RIMS1: variants seen among roughly 807,000 people sequenced by gnomAD.
RIMS1 encodes regulating synaptic membrane exocytosis protein 1.
Under a neutral mutation model 214.1 loss-of-function variants are expected in RIMS1, and 83 were observed. The ratio of observed to expected loss-of-function variants is 0.39; its 90% confidence interval spans 0.32 to 0.47. The LOEUF is 0.47. RIMS1 is among the 20% of genes least tolerant of loss of function. The pLI, the probability that RIMS1 is intolerant of heterozygous loss-of-function variation, is 0.99. For synonymous variants in RIMS1, 793 were observed against 786.8 expected, an observed-to-expected ratio of 1.01 and a Z score of -0.13; for missense variants, 2,050 against 2,161.8, an observed-to-expected ratio of 0.95 and a Z score of 1.03.
At chr6:72,369,788 T>C (rs1437340475) in intron 29 of RIMS1, among the ~76,000 whole-genome samples, 1 of 152,214 alleles carries the variant, frequency 6.6e-6, no homozygotes, top group African/African-American at 2.4e-5. Context: ...CCCCAAAGTA[T>C]TGTAAACACT....
chr6:72,368,551 C>T (rs767026318), intron 29 of RIMS1, among the ~76,000 whole-genome samples: 2 of 151,738 alleles, frequency 1.3e-5, no homozygotes, highest in Non-Finnish European at 2.9e-5. Flanking sequence ...GCCTCGGCCT[C>T]CACTTTGGGC....
chr6:72,143,653 T>A (rs2042351157), intron 4 of RIMS1, among the ~76,000 whole-genome samples: 1 of 152,210 alleles, frequency 6.6e-6, no homozygotes, highest in Non-Finnish European at 1.5e-5. Context: ...CAGCCTTCTA[T>A]CACGCTGTGT....
chr6:72,266,058 T>C lies in RIMS1; in HGVS notation c.3398+9T>C, dbSNP rs1331394430. On this transcript the variant is annotated intron_variant, in intron 22 of 33. Coordinates refer to ENST00000521978, the MANE Select transcript of RIMS1 (RefSeq NM_014989.7). ...TCACCAGAACGAGAAAGGTATAAAATAAAGACTTTCTTAATTTCTTATCAT... is the reference window on the plus strand; with the variant it reads ...TCACCAGAACGAGAAAGGTATAAAACAAAGACTTTCTTAATTTCTTATCAT... 2 of 1,549,136 alleles carry C rather than the reference T, an allele frequency of 1.3e-6. No homozygotes were observed. Among genetic ancestry groups the C allele is most frequent in the Non-Finnish European group, 8.8e-7 (1 of 1,140,386 alleles).
chr6:72,181,210 A>G (rs1388018901), intron 5 of RIMS1, among the ~76,000 whole-genome samples: 2 of 152,202 alleles, frequency 1.3e-5, no homozygotes, highest in African/African-American at 2.4e-5. Flanking sequence ...GAGCCCTAGG[A>G]AAGAGGAAGT....
chr6:72,202,215 T>C (rs906688808), intron 6 of RIMS1, among the ~76,000 whole-genome samples: 6 of 152,190 alleles, frequency 3.9e-5, no homozygotes, highest in African/African-American at 1.2e-4. Flanking sequence ...TTCCAAGGGT[T>C]ACCATAACAG....
chr6:72,099,753 C>A (rs2033062504), intron 3 of RIMS1, among the ~76,000 whole-genome samples: 1 of 152,070 alleles, frequency 6.6e-6, no homozygotes, highest in African/African-American at 2.4e-5. Context: ...TTGTATCTAA[C>A]ATATAGCAGG....
At chr6:72,086,985 G>A (rs767950785) in intron 2 of RIMS1, among the ~76,000 whole-genome samples, 1 of 152,152 alleles carries the variant, frequency 6.6e-6, no homozygotes, top group Non-Finnish European at 1.5e-5. Context: ...GATTTGTGCT[G>A]TGCATTAAAT....
intron 2 of RIMS1, among the ~76,000 whole-genome samples, chr6:72,025,569 G>A (rs1816173134): frequency 6.6e-6 from 1 of 152,142 alleles, no homozygotes; most frequent in Non-Finnish European, 1.5e-5. Flanking sequence ...TGCACACATA[G>A]TGCACACAGT....
intron 1 of RIMS1, among the ~76,000 whole-genome samples, chr6:71,888,976 C>G (rs959005372): frequency 1.3e-5 from 2 of 152,222 alleles, no homozygotes; most frequent in African/African-American, 4.8e-5. Flanking sequence ...TGCTGTCTGT[C>G]TGTCTGGTTG....
chr6:72,218,019 A>G (rs2056926355), intron 6 of RIMS1, among the ~76,000 whole-genome samples: 1 of 151,622 alleles, frequency 6.6e-6, no homozygotes, highest in Non-Finnish European at 1.5e-5. Context: ...TCTATTGATG[A>G]TTTTCATGTA....
At chr6:72,168,190 G>A (rs2046533161) in intron 4 of RIMS1, among the ~76,000 whole-genome samples, 1 of 152,164 alleles carries the variant, frequency 6.6e-6, no homozygotes, top group African/African-American at 2.4e-5. Flanking sequence ...AAGGGTGTTA[G>A]CAGTGGCAAA....
Position 72,263,069 on chromosome 6 carries a change from A to G in RIMS1, c.3117-1906A>G, listed in dbSNP as rs1292275478. 3.1e-6 allele frequency: 3 copies of G among 959,700 alleles called. No homozygotes were observed. The African/African-American group carries it at 5.3e-5, about 17-fold the overall frequency. The allele number at this position is 959,700 out of a possible 1,614,324, so 59.4% of individuals were successfully genotyped here. On this transcript the variant is annotated intron_variant, in intron 19 of 33. Coordinates refer to ENST00000521978, the MANE Select transcript of RIMS1 (RefSeq NM_014989.7). ...AGATCTATTTGATATCTTCTGTTTA[A>G]CTAGTTTTTCCAAAAATATGAAAAC...
intron 28 of RIMS1, among the ~76,000 whole-genome samples, chr6:72,320,562 A>T (rs1159156660): frequency 1.3e-5 from 2 of 152,092 alleles, no homozygotes; most frequent in Non-Finnish European, 2.9e-5. Flanking sequence ...AATTTGGCTG[A>T]AGGATTATGC....
chr6:71,887,275 TG>T, intron 1 of RIMS1, 88 bp downstream of exon 1: 1 of 1,504,178 alleles, frequency 6.6e-7, no homozygotes, highest in Non-Finnish European at 9.0e-7. Context: ...CGGCTGAGTG[TG>T]GGGAAGGGGC....
In RIMS1 at chr6:72,242,391, T is replaced by C; in HGVS notation, c.2035T>C (p.Ser679Pro). The C allele has an allele frequency of 6.4e-7, 1 of 1,562,046 alleles. No individual in the cohort carries two copies. Among genetic ancestry groups the C allele is most frequent in the Non-Finnish European group, 8.7e-7 (1 of 1,151,514 alleles). The stretch of plus-strand genomic sequence containing the variant: ...AGAAGTTTACAACATTATTTTAGAA[T>C]CAAAATCAGAACCTCAAGTTGAAAT... ...NEEVYNIILE[S>P]KSEPQVEIIV... Residue 679 changes from serine to proline, a missense_variant, in exon 10 of 34, where the codon TCA becomes CCA. Transcript: ENST00000521978.
At chr6:71,903,773 C>A (rs987897305) in intron 1 of RIMS1, among the ~76,000 whole-genome samples, 1 of 151,522 alleles carries the variant, frequency 6.6e-6, no homozygotes, top group African/African-American at 2.4e-5. Context: ...TTTTTTTTCC[C>A]TACATGGAAT....
intron 4 of RIMS1, among the ~76,000 whole-genome samples, chr6:72,169,072 A>G (rs924102643): frequency 1.3e-5 from 2 of 152,232 alleles, no homozygotes; most frequent in Non-Finnish European, 2.9e-5. Flanking sequence ...GTGGCCATAT[A>G]TAGTAAATAA....
At chr6:72,253,745 G>A (rs1010360554) in intron 16 of RIMS1, among the ~76,000 whole-genome samples, 8 of 152,114 alleles carry the variant, frequency 5.3e-5, no homozygotes, top group Non-Finnish European at 1.2e-4. Flanking sequence ...TAGATTCTAC[G>A]ATACTAACTT....
chr6:72,089,181 T>C (rs1835487457), intron 2 of RIMS1, among the ~76,000 whole-genome samples: 1 of 152,170 alleles, frequency 6.6e-6, no homozygotes, highest in African/African-American at 2.4e-5. Flanking sequence ...CTGCATTTCA[T>C]AGACTCTCCT....
Sources: gnomAD v4.1 joint callset for allele counts (sites outside exome capture counted in the v4.1 genomes callset) on GRCh38, gnomAD v4.1.1 for gene constraint, MANE v1.5 for transcripts, NCBI Gene and HGNC (gene_info 2026-07-23, HGNC 2026-07-21) for gene names.